Variants in DDR2 observed in about 807,000 individuals in gnomAD.
The protein encoded by DDR2 is discoidin domain-containing receptor 2.
DDR2 carries 27 observed loss-of-function variants against 94.9 expected under a neutral mutation model. The observed-to-expected ratio is 0.28, with a 90% CI of 0.21 to 0.39. The LOEUF is 0.39. Among genes scored for constraint, DDR2 ranks in the 10% least tolerant of loss-of-function variants. The pLI, the probability that DDR2 is intolerant of heterozygous loss-of-function variation, is 1.00. For missense variants in DDR2, 783 were observed against 1,076.0 expected (o/e 0.73, Z 3.81); for synonymous variants, 382 against 377.2 (o/e 1.01, Z -0.15).
At chr1:162,734,818 C>T (rs1013186686) in intron 3 of DDR2, among the ~76,000 whole-genome samples, 3 of 152,164 alleles carry the variant, frequency 2.0e-5, no homozygotes, top group Non-Finnish European at 4.4e-5. Context: ...TCGTGTGGAC[C>T]TCAAGGGTCA....
intron 12 of DDR2, 66 bp downstream of exon 12, chr1:162,770,578 A>C: frequency 6.9e-7 from 1 of 1,440,074 alleles, no homozygotes; most frequent in East Asian, 2.3e-5. Flanking sequence ...TAGGTATGAC[A>C]CGCCTGCTCC....
chr1:162,727,054 T>C (rs1021840862), intron 3 of DDR2, among the ~76,000 whole-genome samples: 1 of 146,112 alleles, frequency 6.8e-6, no homozygotes, highest in Non-Finnish European at 1.5e-5. Flanking sequence ...AATATTATAA[T>C]AAATATATTA....
intron 3 of DDR2, among the ~76,000 whole-genome samples, chr1:162,719,479 G>A (rs1453906077): frequency 6.6e-6 from 1 of 152,062 alleles, no homozygotes; most frequent in Non-Finnish European, 1.5e-5. Flanking sequence ...AGATGTCTTG[G>A]AGAACTTCTT....
chr1:162,688,840 T>A (rs1659819642), intron 2 of DDR2, among the ~76,000 whole-genome samples: 2 of 152,186 alleles, frequency 1.3e-5, no homozygotes, highest in Non-Finnish European at 2.9e-5. Context: ...TCCCAGTGTG[T>A]CCCTTGGCAC....
chr1:162,709,630 T>G (rs1338275582), intron 2 of DDR2, among the ~76,000 whole-genome samples: 2 of 152,204 alleles, frequency 1.3e-5, no homozygotes, highest in African/African-American at 4.8e-5. Context: ...GACCCTCTTG[T>G]GCCCAGTAAT....
At chr1:162,718,790 A>G (rs945849150) in intron 2 of DDR2, among the ~76,000 whole-genome samples, 1 of 152,176 alleles carries the variant, frequency 6.6e-6, no homozygotes, top group African/African-American at 2.4e-5. Context: ...GTGTCTGACT[A>G]TACTTTTGCT....
intron 2 of DDR2, among the ~76,000 whole-genome samples, chr1:162,677,635 A>G (rs1191303651): frequency 6.6e-6 from 1 of 152,166 alleles, no homozygotes; most frequent in Admixed American, 6.5e-5. Context: ...CCCCAGGTTG[A>G]GTGACTCGTC....
intron 7 of DDR2, among the ~76,000 whole-genome samples, chr1:162,757,831 G>T (rs1440255188): frequency 6.6e-6 from 1 of 152,142 alleles, no homozygotes; most frequent in African/African-American, 2.4e-5. Flanking sequence ...ATGAGGAAAA[G>T]ATATTCATTT....
rs150569921 is a variant in DDR2 at position 162,638,503 on chromosome 1, G to A, written c.-192+5872G>A. Among the ~76,000 whole-genome samples, 232 of 152,320 alleles carry A rather than the reference G, an allele frequency of 1.5e-3. 4 individuals carry two copies. Among genetic ancestry groups the A allele is most frequent in the African/African-American group, 5.2e-3 (217 of 41,564 alleles). ...TATGTGTGTTTTTGGCAATTTTAAA[G>A]TACAGTCACACCAATATATGCCACT... On this transcript the variant is annotated intron_variant, in intron 1 of 17. Coordinates refer to ENST00000367921, the MANE Select transcript of DDR2 (RefSeq NM_006182.4).
chr1:162,721,624 C>CT (rs1661427005), intron 3 of DDR2, among the ~76,000 whole-genome samples: 1 of 152,196 alleles, frequency 6.6e-6, no homozygotes. Flanking sequence ...AAGGATGACT[C>CT]TTCAGGAGTC....
At chr1:162,641,356 C>A (rs1051505633) in intron 1 of DDR2, among the ~76,000 whole-genome samples, 5 of 152,196 alleles carry the variant, frequency 3.3e-5, no homozygotes, top group Non-Finnish European at 7.3e-5. Flanking sequence ...TGTCCCCATA[C>A]TCTCTGAATA....
At chr1:162,725,545 G>C (rs1205353235) in intron 3 of DDR2, among the ~76,000 whole-genome samples, 1 of 152,054 alleles carries the variant, frequency 6.6e-6, no homozygotes, top group African/African-American at 2.4e-5. Context: ...CACCCAACTA[G>C]TTTGGGTACT....
intron 9 of DDR2, among the ~76,000 whole-genome samples, chr1:162,765,565 G>A (rs1663946038): frequency 6.6e-6 from 1 of 151,954 alleles, no homozygotes; most frequent in Non-Finnish European, 1.5e-5. Context: ...GAAGGGCTAG[G>A]CCGATGAGGC....
intron 2 of DDR2, among the ~76,000 whole-genome samples, chr1:162,660,889 G>A (rs10799861): frequency 0.91 from 139,138 of 152,318 alleles, 64,118 homozygotes; most frequent in Middle Eastern, 0.98. Context: ...TAGTTGTAAA[G>A]GAGACTGCAT....
intron 2 of DDR2, among the ~76,000 whole-genome samples, chr1:162,713,163 A>T (rs192563609): frequency 1.1e-4 from 16 of 152,306 alleles, no homozygotes; most frequent in Non-Finnish European, 1.3e-4. Flanking sequence ...AACAGGCAGT[A>T]ATTCTCAACT....
chr1:162,674,794 T>C (rs1285803153), intron 2 of DDR2, among the ~76,000 whole-genome samples: 1 of 152,178 alleles, frequency 6.6e-6, no homozygotes, highest in Non-Finnish European at 1.5e-5. Flanking sequence ...TAGAGTTTCC[T>C]CTCTAGGACC....
intron 7 of DDR2, among the ~76,000 whole-genome samples, chr1:162,759,300 T>G (rs764934005): frequency 2.0e-5 from 3 of 152,174 alleles, no homozygotes; most frequent in East Asian, 1.9e-4. Flanking sequence ...AATGACAATA[T>G]GTAGTTAAAG....
At chr1:162,744,075 T>G (rs1011616426) in intron 3 of DDR2, among the ~76,000 whole-genome samples, 52 of 152,232 alleles carry the variant, frequency 3.4e-4, no homozygotes, top group African/African-American at 1.1e-3. Flanking sequence ...TAGCAAGGCA[T>G]GATCTAGGGT....
At position 162,786,721 on chromosome 1, in the gene DDR2, A is replaced by G. The variant is rs573450997; in HGVS notation, c.*6475A>G. On this transcript the variant is annotated 3_prime_UTR_variant, in exon 18 of 18. Transcript: ENST00000367921. ...ACACCTGTTTGTGGGGCTTTCCAGCAAAGGATTATTTAAATAGACCTCTAA... is the reference window on the plus strand; with the variant it reads ...ACACCTGTTTGTGGGGCTTTCCAGCGAAGGATTATTTAAATAGACCTCTAA... The G allele has an allele frequency of 6.6e-6, 1 of 152,366 alleles. No homozygotes were observed. Among genetic ancestry groups the G allele is most frequent in the Non-Finnish European group, 1.5e-5 (1 of 68,042 alleles). 9.4% of individuals were successfully genotyped at this position (152,366 alleles called of 1,614,324 possible).
Sources: gnomAD v4.1 joint callset for allele counts (sites outside exome capture counted in the v4.1 genomes callset) on GRCh38, gnomAD v4.1.1 for gene constraint, MANE v1.5 for transcripts, NCBI Gene and HGNC (gene_info 2026-07-23, HGNC 2026-07-21) for gene names.